NRP2: variants seen among roughly 807,000 people sequenced by gnomAD.
The protein encoded by NRP2 is neuropilin-2.
Under a neutral mutation model 110.4 loss-of-function variants are expected in NRP2, and 52 were observed. That is an observed-to-expected ratio of 0.47 (90% CI 0.38 to 0.59). The LOEUF (loss-of-function observed/expected upper bound fraction) is 0.59. Ranked by LOEUF, NRP2 falls within the 20% of genes least tolerant of loss-of-function variation. NRP2 has a pLI of 0.00. For synonymous variants in NRP2, 508 were observed against 468.9 expected, an observed-to-expected ratio of 1.08 and a Z score of -1.08; for missense variants, 1,049 against 1,203.0, an observed-to-expected ratio of 0.87 and a Z score of 1.89.
intron 7 of NRP2, among the ~76,000 whole-genome samples, chr2:205,729,470 T>C (rs903736038): frequency 1.3e-5 from 2 of 152,208 alleles, no homozygotes; most frequent in Non-Finnish European, 2.9e-5. Context: ...GGCTGAGACC[T>C]GGTTCCACCC....
At chr2:205,744,973 G>A (rs1472385105) in intron 9 of NRP2, among the ~76,000 whole-genome samples, 4 of 152,186 alleles carry the variant, frequency 2.6e-5, no homozygotes, top group South Asian at 2.1e-4. Context: ...AATTGTGGAC[G>A]CAGGGCATCC....
chr2:205,758,277 T>C (rs1287004440), intron 12 of NRP2, among the ~76,000 whole-genome samples: 1 of 152,118 alleles, frequency 6.6e-6, no homozygotes, highest in African/African-American at 2.4e-5. Context: ...TTTCAGATGG[T>C]CGTTCTAGTA....
At chr2:205,756,220 C>G (rs2057732532) in intron 12 of NRP2, among the ~76,000 whole-genome samples, 1 of 152,032 alleles carries the variant, frequency 6.6e-6, no homozygotes, top group Non-Finnish European at 1.5e-5. Flanking sequence ...CTCTGGGGAC[C>G]CTGTTCCAAA....
At chr2:205,747,598 CACA>C (rs1033250579) in intron 10 of NRP2, among the ~76,000 whole-genome samples, 1 of 152,154 alleles carries the variant, frequency 6.6e-6, no homozygotes, top group African/African-American at 2.4e-5. Context: ...CGACGGATTC[CACA>C]ACCCAATGAT....
intron 11 of NRP2, chr2:205,752,353 C>A: frequency 4.8e-6 from 1 of 206,766 alleles, no homozygotes; most frequent in Non-Finnish European, 9.9e-6. Flanking sequence ...TCACTTTCTC[C>A]TCACTGGGCA....
At chr2:205,741,991 C>T (rs1467016758) in intron 8 of NRP2, among the ~76,000 whole-genome samples, 3 of 152,200 alleles carry the variant, frequency 2.0e-5, no homozygotes, top group Non-Finnish European at 2.9e-5. Context: ...ACCACATTTA[C>T]ACAAAGACCC....
At chr2:205,792,125 C>A in intron 15 of NRP2, 110 bp from the exon 16 acceptor site, 1 of 761,908 alleles carries the variant, frequency 1.3e-6, no homozygotes, top group Non-Finnish European at 2.4e-6. Context: ...AGGTGATTCT[C>A]TAGCTGCCTG....
At position 205,769,118 on chromosome 2, in the gene NRP2, C is replaced by G. The variant is rs573160938; in HGVS notation, c.2425+2315C>G. 2.6e-5 allele frequency among the ~76,000 whole-genome samples: 4 copies of G among 152,254 alleles called. No homozygotes were observed. The South Asian group carries it at 8.3e-4, about 32-fold the overall frequency. ...AGGACAGCAGGAGTCCTCTCTTGATCCGGGCATAAAATCAGCCTTTTCACT... is the reference window on the plus strand; with the variant it reads ...AGGACAGCAGGAGTCCTCTCTTGATGCGGGCATAAAATCAGCCTTTTCACT... On this transcript the variant is annotated intron_variant, in intron 15 of 16. Coordinates refer to ENST00000357785, the MANE Select transcript of NRP2 (RefSeq NM_003872.3).
intron 15 of NRP2, among the ~76,000 whole-genome samples, chr2:205,775,915 A>C (rs1300102470): frequency 6.6e-6 from 1 of 152,248 alleles, no homozygotes; most frequent in Non-Finnish European, 1.5e-5. Context: ...GAACAGAAAG[A>C]GAAGAGATGT....
chr2:205,760,260 T>C (rs1268782722), intron 12 of NRP2, among the ~76,000 whole-genome samples: 2 of 152,194 alleles, frequency 1.3e-5, no homozygotes, highest in African/African-American at 4.8e-5. Context: ...AGTCATTCCT[T>C]CATGATGTCC....
At chr2:205,777,885 G>C (rs2058124120) in intron 15 of NRP2, 1 of 152,280 alleles carries the variant, frequency 6.6e-6, no homozygotes, top group African/African-American at 2.4e-5. Flanking sequence ...TTGTAGGCTG[G>C]CCTGGCATAT....
In NRP2 at chr2:205,743,453, T is replaced by C. The variant is rs1267058725; in HGVS notation, c.1542T>C (p.Ala514=). The change falls in exon 9 of 17, where the codon GCT becomes GCC. Residue 514 remains alanine, a synonymous_variant. Coordinates refer to ENST00000357785, the MANE Select transcript of NRP2 (RefSeq NM_003872.3). ...QGARGGDSIT[A]VEARAFVRKF... ...CCCGCGGAGGAGACAGTATCACTGC[T>C]GTGGAAGCCAGAGCATTTGTGCGCA... The C allele has an allele frequency of 3.1e-6, 5 of 1,614,226 alleles. No homozygotes were observed. The East Asian group carries it at 1.1e-4, about 36-fold the overall frequency.
intron 3 of NRP2, among the ~76,000 whole-genome samples, chr2:205,718,584 A>T (rs1220049509): frequency 6.6e-6 from 1 of 152,222 alleles, no homozygotes; most frequent in Non-Finnish European, 1.5e-5. Context: ...TAGACTTCTC[A>T]GGGCCACTCG....
chr2:205,710,463 T>C (rs2056774135), intron 2 of NRP2, among the ~76,000 whole-genome samples: 1 of 152,242 alleles, frequency 6.6e-6, no homozygotes, highest in Admixed American at 6.5e-5. Flanking sequence ...CTCAATAAAA[T>C]GTGAACAGTT....
intron 7 of NRP2, among the ~76,000 whole-genome samples, chr2:205,729,161 A>C (rs970669652): frequency 1.3e-5 from 2 of 152,220 alleles, no homozygotes; most frequent in African/African-American, 4.8e-5. Context: ...AAAATTCTGA[A>C]CTGTGATGTT....
chr2:205,722,205 ACACAC>A (rs1166893348), intron 3 of NRP2: 3 of 496,646 alleles, frequency 6.0e-6, no homozygotes, highest in Non-Finnish European at 1.1e-5. Flanking sequence ...ACACACACAC[ACACAC>A]ACTTCTCTGT....
chr2:205,765,741 G>A (rs2057907020), intron 14 of NRP2, 171 bp downstream of exon 14: 1 of 746,032 alleles, frequency 1.3e-6, no homozygotes, highest in Non-Finnish European at 2.5e-6. Context: ...GCTGGGTTCA[G>A]GGTGGGAAGG....
intron 15 of NRP2, chr2:205,776,419 G>T (rs1369139794): frequency 9.9e-6 from 16 of 1,613,402 alleles, no homozygotes; most frequent in Non-Finnish European, 1.4e-5. Flanking sequence ...CAAGAAGACC[G>T]ATCACTCCAT....
intron 12 of NRP2, chr2:205,760,841 T>C (rs2057809674): frequency 6.6e-6 from 1 of 152,206 alleles, no homozygotes; most frequent in African/African-American, 2.4e-5. Context: ...CGCTTAAGAA[T>C]GTAAATTCAC....
Sources: allele counts gnomAD v4.1 joint callset (sites outside exome capture counted in the v4.1 genomes callset), GRCh38; gene constraint gnomAD v4.1.1; transcripts MANE v1.5; gene names NCBI Gene and HGNC (gene_info 2026-07-23, HGNC 2026-07-21).